The following RPS6KA2 variants were observed in gnomAD, a reference collection of about 807,000 sequenced individuals.
RPS6KA2 encodes the protein ribosomal protein S6 kinase A2.
RPS6KA2 carries 42 observed loss-of-function variants against 91.8 expected under a neutral mutation model. The ratio of observed to expected loss-of-function variants is 0.46; its 90% CI spans 0.36 to 0.59. The LOEUF is 0.59. RPS6KA2 is among the 20% of genes least tolerant of loss of function. The pLI is 0.00. For missense variants in RPS6KA2, 798 were observed against 978.5 expected (o/e 0.82, Z 2.46); for synonymous variants, 414 against 393.6 (o/e 1.05, Z -0.61).
At chr6:166,573,898 G>A (rs1025584148) in intron 1 of RPS6KA2, among the ~76,000 whole-genome samples, 3 of 152,206 alleles carry the variant, frequency 2.0e-5, no homozygotes, top group Non-Finnish European at 2.9e-5. Flanking sequence ...CGCATGTGAA[G>A]GTGTGTCAGA....
intron 1 of RPS6KA2, among the ~76,000 whole-genome samples, chr6:166,575,658 G>T (rs1249770719): frequency 6.6e-6 from 1 of 151,926 alleles, no homozygotes; most frequent in East Asian, 1.9e-4. Context: ...TTTACCTCAG[G>T]AGAGTTAAGA....
chr6:166,667,930 G>A (rs1434300493), intron 2 of RPS6KA2, among the ~76,000 whole-genome samples: 4 of 152,330 alleles, frequency 2.6e-5, no homozygotes, highest in African/African-American at 4.8e-5. Flanking sequence ...TCCTGCCTGC[G>A]TCGTTGGTAG....
At chr6:166,671,498 G>A (rs920826706) in intron 2 of RPS6KA2, among the ~76,000 whole-genome samples, 3 of 151,950 alleles carry the variant, frequency 2.0e-5, no homozygotes, top group Non-Finnish European at 2.9e-5. Context: ...AGGGGGAGCC[G>A]CTCCACCACA....
chr6:166,816,391 C>CAAAAAAAAAAAAAAAAAAAAAAAA (rs61347721), intron 2 of RPS6KA2, among the ~76,000 whole-genome samples: 1 of 120,078 alleles, frequency 8.3e-6, no homozygotes, highest in Non-Finnish European at 1.7e-5. Flanking sequence ...ACTAAAAATA[C>CAAAAAAAAAAAAAAAAAAAAAAAA]AAAAAAAAAA....
Position 166,418,805 on chromosome 6 carries a change from C to G in RPS6KA2, c.1821-463G>C, listed in dbSNP as rs947648216. Reference sequence around the variant, plus strand: ...GTGTATGCACAAATACACATACATGCTTGGTGCAGCTCTGGCCATATTCCA... The same window carrying G: ...GTGTATGCACAAATACACATACATGGTTGGTGCAGCTCTGGCCATATTCCA... On this transcript the variant is annotated intron_variant, in intron 18 of 20. Transcript: ENST00000265678. The surrounding 1 kb of genome is among the most constrained non-coding windows in gnomAD (Gnocchi z 4.9). 9.2e-5 allele frequency among the ~76,000 whole-genome samples: 14 copies of G among 152,256 alleles called. No individual in the cohort carries two copies. The highest frequency in any genetic ancestry group is 2.1e-4 in the Non-Finnish European group (14 of 68,042).
chr6:166,693,273 G>T (rs1015094918), intron 2 of RPS6KA2, among the ~76,000 whole-genome samples: 1 of 152,168 alleles, frequency 6.6e-6, no homozygotes, highest in Non-Finnish European at 1.5e-5. Context: ...AGATGTTCTG[G>T]GACCTTCTCC....
At chr6:166,538,302 T>A (rs1473479256) in intron 2 of RPS6KA2, among the ~76,000 whole-genome samples, 2 of 152,194 alleles carry the variant, frequency 1.3e-5, no homozygotes, top group African/African-American at 2.4e-5. Flanking sequence ...TTTTCCTTGT[T>A]CTCTTATTTT....
chr6:166,618,290 T>C (rs760738342), intron 1 of RPS6KA2, among the ~76,000 whole-genome samples: 5 of 152,170 alleles, frequency 3.3e-5, no homozygotes, highest in Non-Finnish European at 7.3e-5. Context: ...ATACCCACAG[T>C]CACATACGGA....
chr6:166,508,210 GAGAGCCGGGTGA>G lies in RPS6KA2; in HGVS notation c.440_451del (p.Phe147_Leu150del). On this transcript the variant is annotated inframe_deletion, in exon 5 of 21. Coordinates refer to ENST00000265678, the MANE Select transcript of RPS6KA2 (RefSeq NM_021135.6). The surrounding 1 kb of genome is among the most constrained non-coding windows in gnomAD (Gnocchi z 4.3). ...GATGTGGCGGCTGCTCACCTCTTTG[GAGAGCCGGGTGA>G]AGAGGTCCCCTCCCCGCAGGAAGTC... 1 of 1,610,510 alleles carries G rather than the reference GAGAGCCGGGTGA, an allele frequency of 6.2e-7. No homozygotes were observed. Among genetic ancestry groups the G allele is most frequent in the Non-Finnish European group, 8.5e-7 (1 of 1,176,906 alleles).
chr6:166,851,583 G>T (rs1442583225), intron 2 of RPS6KA2, among the ~76,000 whole-genome samples: 1 of 152,206 alleles, frequency 6.6e-6, no homozygotes, highest in Non-Finnish European at 1.5e-5. Flanking sequence ...AGGAGCCAGC[G>T]GTGAGTGCTC....
At chr6:166,856,491 C>T (rs6918384) in intron 2 of RPS6KA2, among the ~76,000 whole-genome samples, 44,922 of 152,078 alleles carry the variant, frequency 0.3, 8,328 homozygotes, top group African/African-American at 0.52. Flanking sequence ...TCTGCTATGG[C>T]AGCCTGAATG....
At chr6:166,420,497 A>ATGTT (rs1778685300) in intron 17 of RPS6KA2, among the ~76,000 whole-genome samples, 1 of 152,070 alleles carries the variant, frequency 6.6e-6, no homozygotes, top group African/African-American at 2.4e-5. Flanking sequence ...GAATTATGCA[A>ATGTT]TGTTTGTCTT....
intron 1 of RPS6KA2, among the ~76,000 whole-genome samples, chr6:166,544,361 AG>A (rs1783756423): frequency 6.6e-6 from 1 of 152,216 alleles, no homozygotes; most frequent in Admixed American, 6.5e-5. Context: ...GAGTCTGTGC[AG>A]GAACAGCCCC....
intron 3 of RPS6KA2, among the ~76,000 whole-genome samples, chr6:166,513,178 A>G (rs566641223): frequency 5.9e-4 from 90 of 152,324 alleles, no homozygotes; most frequent in Middle Eastern, 3.4e-3. Context: ...TGTAGCCCAC[A>G]AGCTGTGGGT....
intron 3 of RPS6KA2, among the ~76,000 whole-genome samples, chr6:166,519,247 A>C (rs1326082517): frequency 6.6e-6 from 1 of 152,214 alleles, no homozygotes; most frequent in Non-Finnish European, 1.5e-5. Context: ...AGACTACTGG[A>C]GACTCTGGAG....
At position 166,639,259 on chromosome 6, in the gene RPS6KA2, G is replaced by A. The variant is rs1787346518; in HGVS notation, c.124-100475C>T. On this transcript the variant is annotated intron_variant, in intron 2 of 21. Transcript: ENST00000503859. The surrounding 1 kb of genome is among the most constrained non-coding windows in gnomAD (Gnocchi z 4.2). ...TGTGCCCCGCTGCCCAAACCAGAAG[G>A]TAAGACTTACCGTGACCTCCTGACA... is the stretch of plus-strand genomic sequence containing the variant. Among the ~76,000 whole-genome samples, 1 of 151,984 alleles carries A rather than the reference G, an allele frequency of 6.6e-6. No homozygotes were observed. The highest frequency in any genetic ancestry group is 2.4e-5 in the African/African-American group (1 of 41,384).
intron 14 of RPS6KA2, among the ~76,000 whole-genome samples, chr6:166,436,315 GAAA>G (rs397827258): frequency 2.7e-5 from 2 of 73,854 alleles, no homozygotes. Flanking sequence ...TAAAGCCCCA[GAAA>G]AAAAAAAAAA....
chr6:166,638,443 GAAC>G (rs1384087187), intron 2 of RPS6KA2, among the ~76,000 whole-genome samples: 7 of 152,164 alleles, frequency 4.6e-5, no homozygotes, highest in Non-Finnish European at 8.8e-5. Flanking sequence ...ATAAAAAAAT[GAAC>G]AACGTCGCTC....
chr6:166,674,474 G>T (rs529132982), intron 2 of RPS6KA2, among the ~76,000 whole-genome samples: 32 of 152,170 alleles, frequency 2.1e-4, no homozygotes, highest in Non-Finnish European at 4.0e-4. Flanking sequence ...AGCAGGACAC[G>T]CAACCCAGCA....
Sources: allele counts gnomAD v4.1 joint callset (sites outside exome capture counted in the v4.1 genomes callset), GRCh38; gene constraint gnomAD v4.1.1; non-coding constraint Gnocchi (gnomAD v3.1); transcripts MANE v1.5; gene names NCBI Gene and HGNC (gene_info 2026-07-23, HGNC 2026-07-21).